RNLS: variants seen among roughly 807,000 people sequenced by gnomAD.
The protein encoded by RNLS is renalase.
RNLS carries 39 observed loss-of-function variants against 39.8 expected under a neutral mutation model. That is an observed-to-expected ratio of 0.98 (90% CI 0.76 to 1.28). The LOEUF (loss-of-function observed/expected upper bound fraction) is 1.28, where lower values mean the gene tolerates loss of function less well. Ranked by LOEUF, RNLS falls within the 50% of genes most tolerant of loss-of-function variation. The pLI is 0.00. For missense variants in RNLS, 410 were observed against 413.3 expected (o/e 0.99, Z 0.07); for synonymous variants, 147 against 150.7 (o/e 0.98, Z 0.18).
intron 6 of RNLS, among the ~76,000 whole-genome samples, chr10:88,302,512 A>C (rs1220431898): frequency 6.6e-6 from 1 of 152,188 alleles, no homozygotes; most frequent in African/African-American, 2.4e-5. Flanking sequence ...AACAAATATA[A>C]GCCAGTTGTA....
intron 5 of RNLS, among the ~76,000 whole-genome samples, chr10:88,330,076 T>G (rs1377499480): frequency 3.0e-5 from 4 of 134,350 alleles, no homozygotes; most frequent in African/African-American, 1.0e-4. Context: ...TTGAGATATA[T>G]ATATATATAT....
At chr10:88,442,885 C>G (rs947351431) in intron 4 of RNLS, among the ~76,000 whole-genome samples, 9 of 152,182 alleles carry the variant, frequency 5.9e-5, no homozygotes, top group African/African-American at 1.7e-4. Context: ...GGCCCTCCAC[C>G]AGACATTGCT....
At chr10:88,452,280 C>T (rs539882351) in intron 4 of RNLS, among the ~76,000 whole-genome samples, 1 of 152,166 alleles carries the variant, frequency 6.6e-6, no homozygotes, top group East Asian at 1.9e-4. Flanking sequence ...TGTTAGGGTT[C>T]AAAAGTGGGA....
chr10:88,564,344 CACAT>C (rs145936514), intron 4 of RNLS, among the ~76,000 whole-genome samples: 2 of 125,164 alleles, frequency 1.6e-5, no homozygotes, highest in African/African-American at 3.1e-5. Context: ...CACACACACA[CACAT>C]GCACACACAC....
At chr10:88,189,197 T>C in the RNLS span, among the ~76,000 whole-genome samples, 1 of 152,238 alleles carries the variant, frequency 6.6e-6, no homozygotes, top group South Asian at 2.1e-4. Flanking sequence ...TATGCATAGA[T>C]AGATGAAAGT....
intron 6 of RNLS, among the ~76,000 whole-genome samples, chr10:88,290,597 T>C (rs1843601908): frequency 1.3e-5 from 2 of 152,204 alleles, no homozygotes; most frequent in South Asian, 2.1e-4. Context: ...TTATACTTAA[T>C]AGAAAAGTTC....
At chr10:88,330,547 A>C (rs1847037182) in intron 5 of RNLS, among the ~76,000 whole-genome samples, 1 of 152,152 alleles carries the variant, frequency 6.6e-6, no homozygotes, top group African/African-American at 2.4e-5. Context: ...TCTTAGTAAC[A>C]CCAATAGTAT....
chr10:88,273,079 A>G (rs1049484191), downstream of RNLS, among the ~76,000 whole-genome samples: 1 of 152,204 alleles, frequency 6.6e-6, no homozygotes, highest in South Asian at 2.1e-4. Flanking sequence ...GATGGTGGTC[A>G]CCCAGCCTCT....
chr10:88,530,770 G>T lies in RNLS; in HGVS notation c.526+42133C>A, dbSNP rs77922642. Among the ~76,000 whole-genome samples the T allele has an allele frequency of 7.2e-4, 109 of 152,022 alleles. 1 individual carries two copies. The East Asian group carries it at 0.017, about 24-fold the overall frequency. On this transcript the variant is annotated intron_variant, in intron 4 of 6. Coordinates refer to ENST00000331772, the MANE Select transcript of RNLS (RefSeq NM_001031709.3). ...ATAATCCATTATTATTTTTAGTACTGAAAATATAACATTTTTCTCACAAAA... is the reference window on the plus strand; with the variant it reads ...ATAATCCATTATTATTTTTAGTACTTAAAATATAACATTTTTCTCACAAAA...
At chr10:88,484,865 C>G (rs148063537) in intron 4 of RNLS, among the ~76,000 whole-genome samples, 89 of 151,976 alleles carry the variant, frequency 5.9e-4, no homozygotes, top group African/African-American at 2.1e-3. Flanking sequence ...TTAAAATAGT[C>G]AGTTGAGGCA....
At chr10:88,171,915 G>A in the RNLS span, among the ~76,000 whole-genome samples, 3 of 152,216 alleles carry the variant, frequency 2.0e-5, no homozygotes, top group South Asian at 6.2e-4. Context: ...TCATATGAGT[G>A]ATTCTATGTC....
At chr10:88,263,952 C>A in the RNLS span, among the ~76,000 whole-genome samples, 37 of 152,218 alleles carry the variant, frequency 2.4e-4, no homozygotes, top group Middle Eastern at 6.8e-3. Context: ...CAATGTGTAG[C>A]CTTTTATCCC....
chr10:88,222,017 T>C, the RNLS span, among the ~76,000 whole-genome samples: 1 of 152,210 alleles, frequency 6.6e-6, no homozygotes, highest in Non-Finnish European at 1.5e-5. Context: ...GGGTGGTAGA[T>C]AGTTTGTACT....
At chr10:88,250,090 G>C in the RNLS span, among the ~76,000 whole-genome samples, 1 of 152,156 alleles carries the variant, frequency 6.6e-6, no homozygotes, top group Non-Finnish European at 1.5e-5. Flanking sequence ...AATTAGAGCT[G>C]GTCTTTGTTG....
chr10:88,460,004 T>C (rs1842857090), intron 4 of RNLS, among the ~76,000 whole-genome samples: 1 of 152,186 alleles, frequency 6.6e-6, no homozygotes, highest in South Asian at 2.1e-4. Context: ...AAAAAGCTAA[T>C]ACTGATGAAG....
intron 4 of RNLS, among the ~76,000 whole-genome samples, chr10:88,563,297 A>G (rs1849292930): frequency 6.6e-6 from 1 of 152,330 alleles, no homozygotes; most frequent in Non-Finnish European, 1.5e-5. Context: ...CTACATCAAC[A>G]TAACTGTTTC....
the RNLS span, among the ~76,000 whole-genome samples, chr10:88,251,775 T>G: frequency 2.6e-5 from 4 of 152,358 alleles, no homozygotes; most frequent in African/African-American, 4.8e-5. Flanking sequence ...AGAGAAGATG[T>G]TCATGGAACT....
chr10:88,204,693 A>G, the RNLS span, among the ~76,000 whole-genome samples: 1 of 152,294 alleles, frequency 6.6e-6, no homozygotes, highest in South Asian at 2.1e-4. Context: ...TAACTTGCCC[A>G]AAGTCACCCA....
intron 4 of RNLS, among the ~76,000 whole-genome samples, chr10:88,455,738 T>C (rs1325703768): frequency 6.6e-6 from 1 of 152,136 alleles, no homozygotes; most frequent in Non-Finnish European, 1.5e-5. Context: ...CTTTTCTCTT[T>C]TTCCTCATGA....
Sources: allele counts gnomAD v4.1 joint callset (sites outside exome capture counted in the v4.1 genomes callset), GRCh38; gene constraint gnomAD v4.1.1; transcripts MANE v1.5; gene names NCBI Gene and HGNC (gene_info 2026-07-23, HGNC 2026-07-21).